The following PDE9A variants were observed in gnomAD, a reference collection of about 807,000 sequenced individuals.
The protein encoded by PDE9A is phosphodiesterase 9A.
Under a neutral mutation model 87.4 loss-of-function variants are expected in PDE9A, and 60 were observed. The ratio of observed to expected loss-of-function variants is 0.69; its 90% confidence interval spans 0.56 to 0.85. The LOEUF (loss-of-function observed/expected upper bound fraction) is 0.85, where lower values mean the gene tolerates loss of function less well. Ranked by LOEUF, PDE9A falls within the 40% of genes least tolerant of loss-of-function variation. The probability of loss-of-function intolerance (pLI) is 0.00; values close to 1 mark genes in which losing one functional copy is unlikely to be tolerated. For missense variants in PDE9A, 665 were observed against 779.0 expected, an observed-to-expected ratio of 0.85 and a Z score of 1.74; for synonymous variants, 272 against 279.4, an observed-to-expected ratio of 0.97 and a Z score of 0.27.
chr21:42,721,214 A>G (rs928762753), intron 4 of PDE9A, among the ~76,000 whole-genome samples: 1 of 152,138 alleles, frequency 6.6e-6, no homozygotes, highest in African/African-American at 2.4e-5. Flanking sequence ...CAGGGGGAGA[A>G]ATTGCACCCA....
chr21:42,711,967 T>A (rs2049382169), intron 4 of PDE9A, among the ~76,000 whole-genome samples: 1 of 152,192 alleles, frequency 6.6e-6, no homozygotes. Flanking sequence ...TGCCCTGGAA[T>A]CAGGTACTCT....
In PDE9A at chr21:42,704,995, G is replaced by A. The variant is rs558211013; in HGVS notation, c.262+5984G>A. Among the ~76,000 whole-genome samples the A allele has an allele frequency of 7.2e-5, 11 of 152,342 alleles. No homozygotes were observed. In the East Asian group the frequency reaches 1.9e-3, roughly 27 times the overall value. On this transcript the variant is annotated intron_variant, in intron 4 of 19. Coordinates refer to ENST00000291539, the MANE Select transcript of PDE9A (RefSeq NM_002606.3). This position sits in a 1 kb window ranked among gnomAD's most constrained non-coding sequence, Gnocchi z 5.3. ...GACTTTTCATAGAAAAGGGAGAATAGGCCAGCCCTGGCCTGGGTCCACAAC... is the reference window on the plus strand; with the variant it reads ...GACTTTTCATAGAAAAGGGAGAATAAGCCAGCCCTGGCCTGGGTCCACAAC...
chr21:42,684,320 C>T (rs2059325930), intron 1 of PDE9A, among the ~76,000 whole-genome samples: 1 of 152,222 alleles, frequency 6.6e-6, no homozygotes, highest in South Asian at 2.1e-4. Flanking sequence ...TCCGCCACAC[C>T]GGAAGGAAGT....
intron 7 of PDE9A, among the ~76,000 whole-genome samples, chr21:42,738,480 T>C: frequency 6.6e-6 from 1 of 152,156 alleles, no homozygotes; most frequent in East Asian, 1.9e-4. Flanking sequence ...CAGAGCCTCC[T>C]GAGCCTCGGC....
chr21:42,729,257 A>T (rs1365181986), intron 4 of PDE9A, among the ~76,000 whole-genome samples: 1 of 152,128 alleles, frequency 6.6e-6, no homozygotes, highest in East Asian at 1.9e-4. Flanking sequence ...ATTTTATTGA[A>T]GATGTCAGAG....
At chr21:42,732,226 G>A (rs1018811146) in intron 6 of PDE9A, 102 bp downstream of exon 6, 15 of 1,153,748 alleles carry the variant, frequency 1.3e-5, no homozygotes, top group Admixed American at 5.9e-5. Context: ...GCCGGCAAGC[G>A]TGGCTGTCTC....
chr21:42,663,138 G>T lies in PDE9A; in HGVS notation c.69+9255G>T, dbSNP rs556043596. 1.3e-4 allele frequency among the ~76,000 whole-genome samples: 18 copies of T among 139,664 alleles called. No individual in the cohort carries two copies. The East Asian group carries it at 3.8e-3, about 30-fold the overall frequency. 91.6% of individuals were successfully genotyped at this position (139,664 alleles called of 152,430 possible). A position where few individuals can be genotyped will look rare whatever the true frequency, so the allele number is the denominator to read the frequency against. On this transcript the variant is annotated intron_variant, in intron 1 of 19. Transcript: ENST00000291539. ...TCACACACATGCACACACCACACAT[G>T]CACATCACACACCTGCATATACATC...
chr21:42,732,862 C>A (rs1472859349), intron 6 of PDE9A, among the ~76,000 whole-genome samples: 2 of 152,180 alleles, frequency 1.3e-5, no homozygotes, highest in African/African-American at 4.8e-5. Flanking sequence ...TGCCGTGAGC[C>A]GAGATCACGC....
chr21:42,668,398 G>C (rs1396987697), intron 1 of PDE9A, among the ~76,000 whole-genome samples: 2 of 152,230 alleles, frequency 1.3e-5, no homozygotes, highest in African/African-American at 4.8e-5. Context: ...GCCCCAGAGA[G>C]GGGGTGGCGG....
chr21:42,775,397 GT>G lies in PDE9A; in HGVS notation c.*108del, dbSNP rs1462822957. ...TGGGCACCTGGCACCACAAGACCAT[GT>G]TTTCTAAGAACCATTTTGTTCACTG... On this transcript the variant is annotated 3_prime_UTR_variant, in exon 20 of 20. Transcript: ENST00000291539. 5 of 822,680 alleles carry G rather than the reference GT, an allele frequency of 6.1e-6. No homozygotes were observed. The Admixed American group carries it at 1.5e-4, about 24-fold the overall frequency. 51.0% of individuals were successfully genotyped at this position (822,680 alleles called of 1,614,324 possible). A position where few individuals can be genotyped will look rare whatever the true frequency, so the allele number is the denominator to read the frequency against.
At chr21:42,656,297 C>T (rs1033465733) in intron 1 of PDE9A, among the ~76,000 whole-genome samples, 17 of 152,234 alleles carry the variant, frequency 1.1e-4, no homozygotes, top group South Asian at 8.3e-4. Flanking sequence ...TGAGTCCTGG[C>T]GATGGGCACA....
rs1391035331 is a variant in PDE9A, at chr21:42,660,497, G to A, written c.69+6614G>A. On this transcript the variant is annotated intron_variant, in intron 1 of 19. Coordinates refer to ENST00000291539, the MANE Select transcript of PDE9A (RefSeq NM_002606.3). This position sits in a 1 kb window ranked among gnomAD's most constrained non-coding sequence, Gnocchi z 4.7. ...TTCTAAGAAAGTGCACAGGGTGGTG[G>A]ATGAAAGACCACGCTCTGGGTACCG... Among the ~76,000 whole-genome samples the A allele has an allele frequency of 1.3e-5, 2 of 152,064 alleles. No homozygotes were observed. Among genetic ancestry groups the A allele is most frequent in the Non-Finnish European group, 2.9e-5 (2 of 68,014 alleles).
At chr21:42,674,469 G>C (rs1191196714) in intron 1 of PDE9A, among the ~76,000 whole-genome samples, 1 of 152,048 alleles carries the variant, frequency 6.6e-6, no homozygotes, top group South Asian at 2.1e-4. Flanking sequence ...GTGACTCTCA[G>C]GATGGAAGAA....
At chr21:42,688,484 GA>G (rs1466091620) in intron 3 of PDE9A, among the ~76,000 whole-genome samples, 2 of 152,216 alleles carry the variant, frequency 1.3e-5, no homozygotes, top group Non-Finnish European at 2.9e-5. Flanking sequence ...AGAGGCCGGT[GA>G]AAGCCTCCGT....
chr21:42,740,712 A>ATAGATAGAT (rs1221850199), intron 7 of PDE9A, among the ~76,000 whole-genome samples: 2 of 136,082 alleles, frequency 1.5e-5, no homozygotes, highest in African/African-American at 5.6e-5. Flanking sequence ...TAGTAGATAG[A>ATAGATAGAT]TAGATAGATA....
At chr21:42,732,188 C>A in intron 6 of PDE9A, 64 bp downstream of exon 6, 1 of 1,474,204 alleles carries the variant, frequency 6.8e-7, no homozygotes, top group Non-Finnish European at 9.4e-7. Context: ...AGAGCGAGGG[C>A]AGGCCCCAGG....
At chr21:42,758,241 T>C (rs1166983356) in intron 10 of PDE9A, 1 of 152,248 alleles carries the variant, frequency 6.6e-6, no homozygotes, top group Non-Finnish European at 1.5e-5. Context: ...CTTAATTAGC[T>C]CCAAAGCACT....
chr21:42,722,861 C>T lies in PDE9A; in HGVS notation c.263-8909C>T, dbSNP rs1029331. Among the ~76,000 whole-genome samples, 2,589 of 152,352 alleles carry T rather than the reference C, an allele frequency of 0.017. 53 individuals carry two copies. The highest frequency in any genetic ancestry group is 0.048 in the South Asian group (231 of 4,826). On this transcript the variant is annotated intron_variant, in intron 4 of 19. Coordinates refer to ENST00000291539, the MANE Select transcript of PDE9A (RefSeq NM_002606.3). The surrounding 1 kb of genome is among the most constrained non-coding windows in gnomAD (Gnocchi z 4.1). ...CAATCAGTGAAATCAAATTTCATGT[C>T]ATTCTGCACTGGGTAGACTCAGGAT...
chr21:42,670,520 G>A (rs1032386109), intron 1 of PDE9A, among the ~76,000 whole-genome samples: 1 of 140,392 alleles, frequency 7.1e-6, no homozygotes, highest in South Asian at 2.3e-4. Context: ...ACACACACAG[G>A]CAATCACACA....
Sources: gnomAD v4.1 joint callset for allele counts (sites outside exome capture counted in the v4.1 genomes callset) on GRCh38, gnomAD v4.1.1 for gene constraint, Gnocchi (gnomAD v3.1) non-coding constraint, MANE v1.5 for transcripts, NCBI Gene and HGNC (gene_info 2026-07-23, HGNC 2026-07-21) for gene names.